CAMTA1: variants seen among roughly 807,000 people sequenced by gnomAD.
The protein encoded by CAMTA1 is calmodulin-binding transcription activator 1.
A neutral mutation model predicts 170.9 loss-of-function variants in CAMTA1; 27 were observed. The observed-to-expected ratio is 0.16, with a 90% confidence interval of 0.12 to 0.22. CAMTA1 has a LOEUF of 0.22. Among genes scored for constraint, CAMTA1 ranks in the 10% least tolerant of loss-of-function variants. The pLI, the probability that CAMTA1 is intolerant of heterozygous loss-of-function variation, is 1.00. For missense variants in CAMTA1, 1,619 were observed against 2,217.2 expected, an observed-to-expected ratio of 0.73 and a Z score of 5.42; for synonymous variants, 833 against 891.5, an observed-to-expected ratio of 0.93 and a Z score of 1.17.
At chr1:6,932,239 A>G (rs1395086549) in intron 3 of CAMTA1, among the ~76,000 whole-genome samples, 2 of 152,098 alleles carry the variant, frequency 1.3e-5, no homozygotes, top group African/African-American at 4.8e-5. Context: ...TCTGTTAGTT[A>G]GCATTTCTAG....
chr1:7,239,992 C>T (rs2149253990), intron 4 of CAMTA1, among the ~76,000 whole-genome samples: 1 of 152,254 alleles, frequency 6.6e-6, no homozygotes, highest in Non-Finnish European at 1.5e-5. Flanking sequence ...GACCTAATCA[C>T]CTCTTATTAG....
At chr1:7,291,622 G>A (rs1459767657) in intron 5 of CAMTA1, among the ~76,000 whole-genome samples, 1 of 152,236 alleles carries the variant, frequency 6.6e-6, no homozygotes, top group Non-Finnish European at 1.5e-5. Flanking sequence ...ACCTCAGGAG[G>A]CTGATATCAC....
At chr1:7,276,294 TATA>T (rs1558345295) in intron 5 of CAMTA1, among the ~76,000 whole-genome samples, 29 of 14,288 alleles carry the variant, frequency 2.0e-3, no homozygotes, top group Non-Finnish European at 2.5e-3. Context: ...TATATATATA[TATA>T]TATATATTTT....
chr1:7,106,018 G>T (rs1643548547), intron 4 of CAMTA1, among the ~76,000 whole-genome samples: 1 of 152,086 alleles, frequency 6.6e-6, no homozygotes, highest in Non-Finnish European at 1.5e-5. Flanking sequence ...TTAGTCAAGG[G>T]TTAACTACAG....
At chr1:7,135,573 A>C (rs1205786870) in intron 4 of CAMTA1, among the ~76,000 whole-genome samples, 1 of 151,474 alleles carries the variant, frequency 6.6e-6, no homozygotes, top group Non-Finnish European at 1.5e-5. Flanking sequence ...TCTTCCTCCC[A>C]CCTCTTTTTC....
rs137960029 is a variant in CAMTA1, at chr1:7,491,116, C to T, written c.510+23215C>T. On this transcript the variant is annotated intron_variant, in intron 6 of 22. Coordinates refer to ENST00000303635, the MANE Select transcript of CAMTA1 (RefSeq NM_015215.4). ...AGGAGGCTCTAGCATGGTCTACCTC[C>T]ACATCTGAACTCCTCCAAGCTTTTC... is the stretch of plus-strand genomic sequence containing the variant. Among the ~76,000 whole-genome samples the T allele has an allele frequency of 2.7e-3, 406 of 152,288 alleles. 4 individuals are homozygous for T. Among genetic ancestry groups the T allele is most frequent in the African/African-American group, 8.9e-3 (368 of 41,552 alleles).
At chr1:6,872,314 A>T (rs566248991) in intron 3 of CAMTA1, among the ~76,000 whole-genome samples, 2 of 152,144 alleles carry the variant, frequency 1.3e-5, no homozygotes, top group South Asian at 2.1e-4. Context: ...AATAGTAGCA[A>T]CTTGAATTTA....
At chr1:7,744,741 A>G in intron 16 of CAMTA1, 94 bp from the exon 17 acceptor site, 1 of 1,061,074 alleles carries the variant, frequency 9.4e-7, no homozygotes, top group Non-Finnish European at 1.4e-6. Flanking sequence ...CTGCCTGATT[A>G]TTTTTTTCTC....
chr1:7,351,863 T>C (rs1347057974), intron 5 of CAMTA1, among the ~76,000 whole-genome samples: 1 of 152,180 alleles, frequency 6.6e-6, no homozygotes, highest in African/African-American at 2.4e-5. Context: ...AGAGCGTTAT[T>C]ACTACCAAAT....
intron 4 of CAMTA1, among the ~76,000 whole-genome samples, chr1:7,110,848 C>G (rs893336173): frequency 6.6e-6 from 1 of 152,236 alleles, no homozygotes; most frequent in Admixed American, 6.5e-5. Context: ...GCCCCCTTAA[C>G]TGTAGTGTCC....
chr1:7,607,984 T>G (rs1041681461), intron 6 of CAMTA1, among the ~76,000 whole-genome samples: 3 of 152,162 alleles, frequency 2.0e-5, no homozygotes, highest in Admixed American at 1.3e-4. Context: ...GGTGTCCTTG[T>G]GCTAGTTGCA....
At chr1:6,833,031 G>A (rs1350291733) in intron 3 of CAMTA1, among the ~76,000 whole-genome samples, 6 of 152,160 alleles carry the variant, frequency 3.9e-5, no homozygotes, top group Non-Finnish European at 8.8e-5. Context: ...AGCAGCAGCA[G>A]CAGCAGCAGC....
intron 6 of CAMTA1, among the ~76,000 whole-genome samples, chr1:7,486,247 G>C (rs1273555000): frequency 6.6e-6 from 1 of 152,206 alleles, no homozygotes; most frequent in East Asian, 1.9e-4. Flanking sequence ...AAAAATTTCT[G>C]ATTGGTAACG....
At chr1:7,131,451 T>C (rs1343201319) in intron 4 of CAMTA1, among the ~76,000 whole-genome samples, 2 of 152,068 alleles carry the variant, frequency 1.3e-5, no homozygotes, top group Admixed American at 6.5e-5. Context: ...TTACCTCTTA[T>C]AGTCAGGTCT....
chr1:7,262,356 G>A (rs1216371118), intron 5 of CAMTA1, among the ~76,000 whole-genome samples: 1 of 152,016 alleles, frequency 6.6e-6, no homozygotes, highest in Non-Finnish European at 1.5e-5. Flanking sequence ...GAGGTCAGGA[G>A]TTCAAGACCA....
chr1:6,937,730 TCA>T (rs1685690027), intron 3 of CAMTA1, among the ~76,000 whole-genome samples: 1 of 146,356 alleles, frequency 6.8e-6, no homozygotes, highest in African/African-American at 2.6e-5. Context: ...ATCACCATCA[TCA>T]CAGTCATCAC....
chr1:6,948,218 C>T, intron 3 of CAMTA1, among the ~76,000 whole-genome samples: 1 of 152,186 alleles, frequency 6.6e-6, no homozygotes, highest in East Asian at 1.9e-4. Flanking sequence ...GCCAGAATTG[C>T]TGTGTACAGT....
chr1:7,717,709 C>T (rs148124865), intron 11 of CAMTA1, among the ~76,000 whole-genome samples: 3 of 151,324 alleles, frequency 2.0e-5, no homozygotes, highest in African/African-American at 7.3e-5. Context: ...GCCTGAGCAA[C>T]AAAGCGAGAC....
chr1:7,380,805 G>A (rs1210649775), intron 5 of CAMTA1, among the ~76,000 whole-genome samples: 3 of 152,208 alleles, frequency 2.0e-5, no homozygotes, highest in Non-Finnish European at 4.4e-5. Flanking sequence ...TACCTTGCCT[G>A]GTCCACCCAG....
Sources: allele counts gnomAD v4.1 joint callset (sites outside exome capture counted in the v4.1 genomes callset), GRCh38; gene constraint gnomAD v4.1.1; transcripts MANE v1.5; gene names NCBI Gene and HGNC (gene_info 2026-07-23, HGNC 2026-07-21).